The following ROPN1L variants were observed in gnomAD, a reference collection of about 807,000 sequenced individuals.
ROPN1L encodes the protein rhophilin associated tail protein 1 like, also known as ropporin-1-like protein.
In ROPN1L, 23 loss-of-function variants were observed where a neutral mutation model predicts 22.7. That is an observed-to-expected ratio of 1.01 (90% CI 0.73 to 1.43). The LOEUF is 1.43. Among genes scored for constraint, ROPN1L ranks in the 40% most tolerant of loss-of-function variants. The pLI, the probability that ROPN1L is intolerant of heterozygous loss-of-function variation, is 0.00. For synonymous variants in ROPN1L, 116 were observed against 117.8 expected (o/e 0.98, Z 0.10); for missense variants, 271 against 291.5 (o/e 0.93, Z 0.51).
intron 3 of ROPN1L, among the ~76,000 whole-genome samples, chr5:10,460,237 G>A (rs1308060991): frequency 6.6e-6 from 1 of 152,246 alleles, no homozygotes; most frequent in African/African-American, 2.4e-5. Flanking sequence ...GTAATCTTAT[G>A]TTACATGGTT....
chr5:10,462,380 G>A (rs1040455977), intron 4 of ROPN1L, among the ~76,000 whole-genome samples: 3 of 152,236 alleles, frequency 2.0e-5, no homozygotes, highest in African/African-American at 4.8e-5. Context: ...CAGGGTGTGT[G>A]TAAGTGGAGC....
At chr5:10,473,633 C>T (rs146635110), downstream of ROPN1L, among the ~76,000 whole-genome samples, 3 of 152,164 alleles carry the variant, frequency 2.0e-5, no homozygotes, top group East Asian at 5.8e-4. Flanking sequence ...CACTTATTAC[C>T]TCTTTTCTTG....
Position 10,442,215 on chromosome 5 carries a change from C to G in ROPN1L, c.48C>G (p.Pro16=). ...TMFCAQQIHI[P]PELPDILKQF... ...TCTGCGCTCAGCAGATCCACATTCC[C>G]CCGGAGCTGCCGGACATCCTGAAGC... Residue 16 remains proline, a synonymous_variant, in exon 1 of 5, where the codon CCC becomes CCG. Transcript: ENST00000274134. The G allele has an allele frequency of 6.2e-7, 1 of 1,613,872 alleles. No homozygotes were observed. The highest frequency in any genetic ancestry group is 1.1e-5 in the South Asian group (1 of 91,086).
At chr5:10,467,366 A>G (rs1735172374), downstream of ROPN1L, among the ~76,000 whole-genome samples, 1 of 152,158 alleles carries the variant, frequency 6.6e-6, no homozygotes. Context: ...GACAGATCTC[A>G]ATCAACTTCG....
intron 3 of ROPN1L, among the ~76,000 whole-genome samples, chr5:10,450,938 A>T (rs981277562): frequency 6.6e-6 from 1 of 152,092 alleles, no homozygotes; most frequent in African/African-American, 2.4e-5. Context: ...GAGAAGGGAG[A>T]GGTTGGAGCT....
intron 3 of ROPN1L, among the ~76,000 whole-genome samples, chr5:10,456,358 T>A (rs1197425124): frequency 6.6e-6 from 1 of 152,082 alleles, no homozygotes; most frequent in Non-Finnish European, 1.5e-5. Flanking sequence ...CATGGTGGTG[T>A]GCACCTGTAA....
At chr5:10,481,535 A>G in the ROPN1L span, among the ~76,000 whole-genome samples, 7 of 152,340 alleles carry the variant, frequency 4.6e-5, no homozygotes, top group Admixed American at 2.0e-4. Context: ...CTGGTTTACT[A>G]TCTCTGGGGA....
intron 4 of ROPN1L, among the ~76,000 whole-genome samples, chr5:10,462,538 C>A (rs1457043457): frequency 6.6e-6 from 1 of 152,114 alleles, no homozygotes; most frequent in African/African-American, 2.4e-5. Context: ...CTCATTTATC[C>A]CAGATCTATC....
In ROPN1L at chr5:10,448,268, C is replaced by T. The variant is rs1268856674; in HGVS notation, c.140C>T (p.Ser47Leu). The change falls in exon 2 of 5, where the codon TCA (serine) becomes TTA (leucine). Residue 47 changes from serine (S) to leucine (L), a missense_variant. Ser to Leu is a moderately radical substitution (Grantham distance 145, BLOSUM62 -2). Transcript: ENST00000274134. ...DVLRWSAGYF[S>L]ALSRGDPLPV... is the part of the protein sequence containing the mutation. ...TGTCTGTTATTTATTAGCTATTTTTCAGCTCTGTCGAGAGGAGATCCACTT... is the reference window on the plus strand; with the variant it reads ...TGTCTGTTATTTATTAGCTATTTTTTAGCTCTGTCGAGAGGAGATCCACTT... The T allele has an allele frequency of 6.2e-7, 1 of 1,613,734 alleles. No homozygotes were observed. The highest frequency in any genetic ancestry group is 1.7e-5 in the Admixed American group (1 of 59,942).
Position 10,450,014 on chromosome 5 carries a change from G to C in ROPN1L, c.318G>C (p.Leu106=). 1.2e-6 allele frequency: 2 copies of C among 1,613,908 alleles called. No individual in the cohort carries two copies. The highest frequency in any genetic ancestry group is 1.7e-6 in the Non-Finnish European group (2 of 1,179,840). Residue 106 remains leucine, a synonymous_variant, in exon 3 of 5, where the codon CTG becomes CTC. Coordinates refer to ENST00000274134, the MANE Select transcript of ROPN1L (RefSeq NM_031916.5). ...AGCAGAAGTGGAAGAACTTGTGCCT[G>C]CCGAAGGAAAAATTCAAAGCGCTCT... ...DLEQKWKNLC[L]PKEKFKALLQ...
chr5:10,474,154 A>G (rs1735287733), downstream of ROPN1L, among the ~76,000 whole-genome samples: 1 of 139,984 alleles, frequency 7.1e-6, no homozygotes, highest in African/African-American at 2.8e-5. Context: ...TGTGTCTCAA[A>G]AAAAGGAAAA....
chr5:10,442,836 C>T (rs988845660), intron 1 of ROPN1L, among the ~76,000 whole-genome samples: 1 of 152,206 alleles, frequency 6.6e-6, no homozygotes, highest in African/African-American at 2.4e-5. Flanking sequence ...TGAAGCTTCA[C>T]AGTTTATTTT....
chr5:10,466,308 G>A (rs970590024), downstream of ROPN1L, among the ~76,000 whole-genome samples: 48 of 152,094 alleles, frequency 3.2e-4, no homozygotes, highest in African/African-American at 1.1e-3. Context: ...GGGATGAGAC[G>A]TGCTTTCACT....
intron 2 of ROPN1L, 79 bp downstream of exon 2, chr5:10,448,462 C>T (rs1449404852): frequency 9.8e-6 from 15 of 1,535,962 alleles, no homozygotes; most frequent in African/African-American, 2.8e-5. Context: ...GATGACAGAG[C>T]GGGGCACACC....
At chr5:10,458,230 C>G (rs1050871551) in intron 3 of ROPN1L, among the ~76,000 whole-genome samples, 2 of 151,976 alleles carry the variant, frequency 1.3e-5, no homozygotes, top group African/African-American at 4.8e-5. Flanking sequence ...GGAGATTGCT[C>G]TCTCCACCAG....
At chr5:10,451,928 A>AATCTATCTATCTGTCT in intron 3 of ROPN1L, among the ~76,000 whole-genome samples, 1 of 150,634 alleles carries the variant, frequency 6.6e-6, no homozygotes, top group South Asian at 2.1e-4. Context: ...AACTCTGTGA[A>AATCTATCTATCTGTCT]ATCTATCTAT....
At chr5:10,450,466 T>C (rs2126439693) in intron 3 of ROPN1L, among the ~76,000 whole-genome samples, 1 of 152,352 alleles carries the variant, frequency 6.6e-6, no homozygotes, top group East Asian at 1.9e-4. Context: ...TACAATTATT[T>C]TCTACTTTAG....
the ROPN1L span, among the ~76,000 whole-genome samples, chr5:10,480,448 A>G: frequency 2.0e-5 from 3 of 152,128 alleles, no homozygotes; most frequent in Admixed American, 6.5e-5. Flanking sequence ...ATCCCCTGGG[A>G]GGCACAGCCT....
chr5:10,445,431 A>C (rs1041091323), intron 1 of ROPN1L, among the ~76,000 whole-genome samples: 8 of 152,186 alleles, frequency 5.3e-5, no homozygotes, highest in African/African-American at 1.9e-4. Context: ...TAAGTGCAAA[A>C]ATGAAGGGTC....
Sources: gnomAD v4.1 joint callset for allele counts (sites outside exome capture counted in the v4.1 genomes callset) on GRCh38, gnomAD v4.1.1 for gene constraint, MANE v1.5 for transcripts, NCBI Gene and HGNC (gene_info 2026-07-23, HGNC 2026-07-21) for gene names.